Variants in EXOC6B observed in about 807,000 individuals in gnomAD.
EXOC6B encodes the protein exocyst complex component 6B.
EXOC6B carries 54 observed loss-of-function variants against 113.5 expected under a neutral mutation model. The ratio of observed to expected loss-of-function variants is 0.48; its 90% confidence interval spans 0.38 to 0.60. The LOEUF (loss-of-function observed/expected upper bound fraction) is 0.60, where lower values mean the gene tolerates loss of function less well. Among genes scored for constraint, EXOC6B ranks in the 20% least tolerant of loss-of-function variants. The pLI is 0.00. For synonymous variants in EXOC6B, 357 were observed against 339.0 expected (o/e 1.05, Z -0.58); for missense variants, 797 against 977.5 (o/e 0.82, Z 2.46).
At chr2:72,743,289 C>T (rs1303214370) in intron 1 of EXOC6B, among the ~76,000 whole-genome samples, 2 of 152,164 alleles carry the variant, frequency 1.3e-5, no homozygotes, top group Admixed American at 1.3e-4. Flanking sequence ...CCAAAACAGA[C>T]ACTCCACACA....
intron 1 of EXOC6B, among the ~76,000 whole-genome samples, chr2:72,766,891 T>C (rs1683093499): frequency 7.1e-6 from 1 of 141,174 alleles, no homozygotes; most frequent in Admixed American, 7.1e-5. Context: ...GAGGCAGAGG[T>C]TGCAATGAGC....
chr2:72,785,495 C>T (rs2105011771), intron 1 of EXOC6B, among the ~76,000 whole-genome samples: 1 of 152,392 alleles, frequency 6.6e-6, no homozygotes, highest in East Asian at 1.9e-4. Context: ...TTCCACACAT[C>T]TTCTGAAATC....
intron 8 of EXOC6B, among the ~76,000 whole-genome samples, chr2:72,519,364 G>A (rs1178259653): frequency 6.6e-6 from 1 of 152,094 alleles, no homozygotes; most frequent in Non-Finnish European, 1.5e-5. Context: ...GCTGTCTAGT[G>A]TTCCTAAGCT....
rs1378934537 is a variant in EXOC6B, at chr2:72,717,417, C to CAGGTATA, written c.669+679_669+685dup. Among the ~76,000 whole-genome samples, 14 of 152,178 alleles carry CAGGTATA rather than the reference C, an allele frequency of 9.2e-5. No individual in the cohort carries two copies. The East Asian group carries it at 2.3e-3, about 25-fold the overall frequency. On this transcript the variant is annotated intron_variant, in intron 6 of 21. Coordinates refer to ENST00000272427, the MANE Select transcript of EXOC6B (RefSeq NM_015189.3). Reference sequence around the variant, plus strand: ...TATTTGTTGCTGTAGGCTACATCATCAGGTATACTAAAAATTTTTAATAAA... The same window carrying CAGGTATA: ...TATTTGTTGCTGTAGGCTACATCATCAGGTATAAGGTATACTAAAAATTTTTAATAAA...
intron 18 of EXOC6B, among the ~76,000 whole-genome samples, chr2:72,393,102 CTTT>C (rs113073440): frequency 7.0e-6 from 1 of 143,624 alleles, no homozygotes. Flanking sequence ...TTTTGGGGTT[CTTT>C]TTTTTTTTGA....
At chr2:72,265,715 T>C (rs372376866) in intron 20 of EXOC6B, among the ~76,000 whole-genome samples, 5 of 151,458 alleles carry the variant, frequency 3.3e-5, no homozygotes, top group East Asian at 1.9e-4. Context: ...AATAAACATA[T>C]GTGTGCATGT....
intron 6 of EXOC6B, among the ~76,000 whole-genome samples, chr2:72,701,148 T>C (rs1458224709): frequency 1.3e-5 from 2 of 151,332 alleles, no homozygotes; most frequent in African/African-American, 4.9e-5. Context: ...ATCAAGACCA[T>C]CCTGGCCAAC....
At chr2:72,353,474 T>C (rs1184642372) in intron 19 of EXOC6B, among the ~76,000 whole-genome samples, 1 of 152,040 alleles carries the variant, frequency 6.6e-6, no homozygotes, top group Non-Finnish European at 1.5e-5. Context: ...CAGGTTCAAA[T>C]GATCCTCCTG....
chr2:72,213,869 T>C (rs1680343010), intron 20 of EXOC6B, among the ~76,000 whole-genome samples: 1 of 152,138 alleles, frequency 6.6e-6, no homozygotes, highest in Non-Finnish European at 1.5e-5. Flanking sequence ...GCCTTGATCC[T>C]GGACTTCTCA....
chr2:72,243,684 T>C (rs374488964), intron 20 of EXOC6B, among the ~76,000 whole-genome samples: 2 of 152,162 alleles, frequency 1.3e-5, no homozygotes, highest in African/African-American at 2.4e-5. Flanking sequence ...ATGGCACATG[T>C]ATGCCTATGT....
In EXOC6B at chr2:72,741,417, G is replaced by C; in HGVS notation, c.166C>G (p.Arg56Gly). The C allele has an allele frequency of 1.2e-6, 2 of 1,613,484 alleles. No homozygotes were observed. Among genetic ancestry groups the C allele is most frequent in the Non-Finnish European group, 1.7e-6 (2 of 1,179,762 alleles). ...HGRFMEKLET[R>G]IRNHDREIEK... ...ATTTCTCGGTCGTGATTACGGATAC[G>C]AGTTTCAAGCTTCTCCATGAAACGT... Residue 56 changes from arginine to glycine, a missense_variant, in exon 2 of 22, where the codon CGT becomes GGT. Physicochemically the swap from Arg to Gly is moderately radical, Grantham distance 125. Coordinates refer to ENST00000272427, the MANE Select transcript of EXOC6B (RefSeq NM_015189.3).
At position 72,531,325 on chromosome 2, in the gene EXOC6B, G is replaced by C. The variant is rs140677405; in HGVS notation, c.916-16199C>G. ...GTGTTTCCATTTTACCAGTTCCAGG[G>C]AAGAGTAGAAACCTTACTTCCCTTT... On this transcript the variant is annotated intron_variant, in intron 8 of 21. Transcript: ENST00000272427. Among the ~76,000 whole-genome samples, 71 of 152,182 alleles carry C rather than the reference G, an allele frequency of 4.7e-4. 2 individuals carry two copies. Among genetic ancestry groups the C allele is most frequent in the Middle Eastern group, 3.4e-3 (1 of 294 alleles).
rs374569881 is a variant in EXOC6B, at chr2:72,678,148, A to AATCT, written c.669+39951_669+39954dup. On this transcript the variant is annotated intron_variant, in intron 6 of 21. Coordinates refer to ENST00000272427, the MANE Select transcript of EXOC6B (RefSeq NM_015189.3). ...CCTGAGGCACTAGGTCAACTGCAGG[A>AATCT]ATCTATCACAGCTGTTAATGTTTTA... Among the ~76,000 whole-genome samples, 23 of 152,350 alleles carry AATCT rather than the reference A, an allele frequency of 1.5e-4. 2 individuals are homozygous for AATCT. Among genetic ancestry groups the AATCT allele is most frequent in the African/African-American group, 4.6e-4 (19 of 41,586 alleles).
chr2:72,483,892 A>T (rs1344087654), intron 16 of EXOC6B, among the ~76,000 whole-genome samples: 1 of 152,344 alleles, frequency 6.6e-6, no homozygotes, highest in East Asian at 1.9e-4. Flanking sequence ...GCAGTAATCC[A>T]AACTGTCCTA....
intron 18 of EXOC6B, among the ~76,000 whole-genome samples, chr2:72,423,146 G>A (rs769983569): frequency 3.3e-5 from 5 of 151,642 alleles, no homozygotes; most frequent in Non-Finnish European, 7.4e-5. Flanking sequence ...CGAGCCCACC[G>A]GGAGGAACGA....
intron 18 of EXOC6B, among the ~76,000 whole-genome samples, chr2:72,430,600 C>A (rs2105296037): frequency 1.3e-5 from 2 of 152,140 alleles, no homozygotes; most frequent in East Asian, 3.9e-4. Flanking sequence ...TGAGCAGAGT[C>A]CACACCAGTA....
At chr2:72,349,277 G>A (rs145003087) in intron 19 of EXOC6B, among the ~76,000 whole-genome samples, 291 of 152,244 alleles carry the variant, frequency 1.9e-3, no homozygotes, top group Non-Finnish European at 2.5e-3. Context: ...TCAAAAACTC[G>A]TGGAATTTCC....
intron 1 of EXOC6B, among the ~76,000 whole-genome samples, chr2:72,796,015 C>T (rs1316300424): frequency 2.0e-5 from 3 of 151,636 alleles, no homozygotes; most frequent in Non-Finnish European, 4.4e-5. Context: ...AGAGATGGGG[C>T]TTTGCCAGTG....
At chr2:72,228,253 G>T (rs1407543570) in intron 20 of EXOC6B, among the ~76,000 whole-genome samples, 1 of 151,988 alleles carries the variant, frequency 6.6e-6, no homozygotes, top group African/African-American at 2.4e-5. Context: ...GAAGAATCAA[G>T]AATAAATCTC....
Sources: allele counts gnomAD v4.1 joint callset (sites outside exome capture counted in the v4.1 genomes callset), GRCh38; gene constraint gnomAD v4.1.1; transcripts MANE v1.5; gene names NCBI Gene and HGNC (gene_info 2026-07-23, HGNC 2026-07-21).